Variants in CHRND observed in about 807,000 individuals in gnomAD.
CHRND encodes the protein acetylcholine receptor subunit delta.
Under a neutral mutation model 57.8 loss-of-function variants are expected in CHRND, and 40 were observed. The observed-to-expected ratio is 0.69, with a 90% confidence interval of 0.54 to 0.90. CHRND has a LOEUF of 0.90. CHRND is among the 40% of genes least tolerant of loss of function. The pLI is 0.00. For missense variants in CHRND, 634 were observed against 673.9 expected, an observed-to-expected ratio of 0.94 and a Z score of 0.66; for synonymous variants, 237 against 270.6, an observed-to-expected ratio of 0.88 and a Z score of 1.22.
intron 7 of CHRND, 130 bp from the exon 8 acceptor site, chr2:232,531,222 A>G (rs1439697409): frequency 1.2e-5 from 9 of 730,144 alleles, no homozygotes; most frequent in African/African-American, 8.7e-5. Context: ...CGTAATTTTC[A>G]TCAGGGTATG....
intron 1 of CHRND, 36 bp downstream of exon 1, chr2:232,526,303 CG>C: frequency 6.2e-7 from 1 of 1,602,878 alleles, no homozygotes. Context: ...TGGGGTCCCC[CG>C]TGATGCTTAC....
chr2:232,526,488 G>A, intron 1 of CHRND, 41 bp from the exon 2 acceptor site: 1 of 1,612,880 alleles, frequency 6.2e-7, no homozygotes, highest in African/African-American at 1.3e-5. Context: ...TGAGTCCCCT[G>A]CCCAGGGCCC....
intron 1 of CHRND, 67 bp downstream of exon 1, chr2:232,526,334 G>T: frequency 6.4e-7 from 1 of 1,559,286 alleles, no homozygotes. Context: ...ACACCGCATG[G>T]CTCCTCACTC....
intron 3 of CHRND, among the ~76,000 whole-genome samples, chr2:232,527,849 C>A (rs1559293974): frequency 6.6e-6 from 1 of 152,216 alleles, no homozygotes; most frequent in Non-Finnish European, 1.5e-5. Context: ...CACTGTTCTC[C>A]AGGAGGGGTT....
Position 232,529,934 on chromosome 2 carries a change from C to T in CHRND, c.620-5C>T. The T allele has an allele frequency of 6.2e-7, 1 of 1,613,862 alleles. No individual in the cohort carries two copies. Among genetic ancestry groups the T allele is most frequent in the Non-Finnish European group, 8.5e-7 (1 of 1,179,882 alleles). On this transcript the variant is annotated splice_region_variant and splice_polypyrimidine_tract_variant and intron_variant, in intron 6 of 11. Coordinates refer to ENST00000258385, the MANE Select transcript of CHRND (RefSeq NM_000751.3). ...GACCCTAAGATGTCCATGTGCCGCCCTCAGAGAACGGGGAGTGGGAGATAG... is the reference window on the plus strand; with the variant it reads ...GACCCTAAGATGTCCATGTGCCGCCTTCAGAGAACGGGGAGTGGGAGATAG...
chr2:232,535,089 T>C (rs747129748), intron 11 of CHRND, 41 bp from the exon 12 acceptor site: 3 of 1,610,570 alleles, frequency 1.9e-6, no homozygotes, highest in East Asian at 2.2e-5. Context: ...CTTTGTGGCC[T>C]GAGGCCCTTC....
chr2:232,532,399 T>C (rs1574635307), intron 9 of CHRND, among the ~76,000 whole-genome samples: 1 of 130,202 alleles, frequency 7.7e-6, no homozygotes, highest in South Asian at 2.4e-4. Flanking sequence ...ACTCGGGAGG[T>C]GGAGGTTGCA....
chr2:232,526,439 A>G (rs1028610535), intron 1 of CHRND, 90 bp from the exon 2 acceptor site: 1 of 1,597,096 alleles, frequency 6.3e-7, no homozygotes, highest in African/African-American at 1.3e-5. Context: ...GCTCATCCCA[A>G]CCTCATGGTC....
intron 9 of CHRND, 105 bp from the exon 10 acceptor site, chr2:232,533,826 G>T: frequency 8.4e-7 from 1 of 1,185,692 alleles, no homozygotes; most frequent in Non-Finnish European, 1.2e-6. Flanking sequence ...GCAGTGAGCC[G>T]AGATCGCGCC....
At chr2:232,529,903 T>C (rs199570924) in intron 6 of CHRND, 36 bp from the exon 7 acceptor site, 3 of 1,610,032 alleles carry the variant, frequency 1.9e-6, no homozygotes, top group Non-Finnish European at 1.7e-6. Flanking sequence ...CCCCTTGGCC[T>C]GGCCTGACCC....
chr2:232,527,634 C>T (rs1380903683), intron 3 of CHRND, among the ~76,000 whole-genome samples, 189 bp downstream of exon 3: 4 of 152,136 alleles, frequency 2.6e-5, no homozygotes, highest in African/African-American at 9.7e-5. Context: ...GTCCCAGCTA[C>T]TCGGGAAGCT....
chr2:232,536,476 C>G lies in CHRND; in HGVS notation c.*1164C>G. 2.2e-6 allele frequency: 1 copy of G among 453,908 alleles called. No homozygotes were observed. The highest frequency in any genetic ancestry group is 4.4e-6 in the Non-Finnish European group (1 of 226,600). 28.1% of individuals were successfully genotyped at this position (453,908 alleles called of 1,614,324 possible). A position where few individuals can be genotyped will look rare whatever the true frequency, so the allele number is the denominator to read the frequency against. ...GCAAGGAACTAAGGCCTCCTGCCAA[C>G]AGCCACGTGAGTGAATGTGGAAGTG... is the stretch of plus-strand genomic sequence containing the variant. On this transcript the variant is annotated 3_prime_UTR_variant, in exon 12 of 12. Transcript: ENST00000258385.
Position 232,531,482 on chromosome 2 carries a change from C to A in CHRND, c.932+19C>A. ...TCGGCAAGTGAGTGACGCTCAAGCC[C>A]GGCCTCACCCTGCTTGCCAGCCCAG... On this transcript the variant is annotated intron_variant, in intron 8 of 11. Transcript: ENST00000258385. The A allele has an allele frequency of 1.2e-6, 2 of 1,612,940 alleles. No homozygotes were observed. The highest frequency in any genetic ancestry group is 1.7e-6 in the Non-Finnish European group (2 of 1,178,958).
At position 232,536,245 on chromosome 2, in the gene CHRND, G is replaced by A. The variant is rs761422323; in HGVS notation, c.*933G>A. Reference sequence around the variant, plus strand: ...AGTGATGCCCAGTATTCACACCCTTGTGCAGTCCCCTCACTCTGTACCAGG... The same window carrying A: ...AGTGATGCCCAGTATTCACACCCTTATGCAGTCCCCTCACTCTGTACCAGG... On this transcript the variant is annotated 3_prime_UTR_variant, in exon 12 of 12. Coordinates refer to ENST00000258385, the MANE Select transcript of CHRND (RefSeq NM_000751.3). The A allele has an allele frequency of 4.2e-5, 19 of 454,014 alleles. No individual in the cohort carries two copies. Among genetic ancestry groups the A allele is most frequent in the Non-Finnish European group, 7.5e-5 (17 of 226,802 alleles). The allele number at this position is 454,014 out of a possible 1,614,324, so 28.1% of individuals were successfully genotyped here. A position where few individuals can be genotyped will look rare whatever the true frequency, so the allele number is the denominator to read the frequency against.
rs781437381 is a variant in CHRND at position 232,526,250 on chromosome 2, C to T, written c.35C>T (p.Ala12Val). ...CCAGTGCTGACACTGGGGCTGCTGG[C>T]TGCCCTGGCGGTGTGTGGTAAGGGA... Reference protein sequence around the residue: ...EGPVLTLGLLAALAVCGSWGL... With the variant: ...EGPVLTLGLLVALAVCGSWGL... Residue 12 changes from alanine (A) to valine (V), a missense_variant, in exon 1 of 12, where the codon GCT becomes GTT. By Grantham distance (64) the Ala-to-Val change is moderately conservative. Transcript: ENST00000258385. 2.5e-6 allele frequency: 4 copies of T among 1,613,022 alleles called. No individual in the cohort carries two copies. The East Asian group carries it at 8.9e-5, about 36-fold the overall frequency.
In CHRND at chr2:232,526,671, C is replaced by T. The variant is rs745787338; in HGVS notation, c.195C>T (p.Ser65=). The T allele has an allele frequency of 1.2e-6, 2 of 1,613,424 alleles. No homozygotes were observed. Among genetic ancestry groups the T allele is most frequent in the Non-Finnish European group, 1.7e-6 (2 of 1,179,892 alleles). ...CCCTCACACTCTCCAACCTCATCTCCCTGGTGAGAGGCCCTCCGGTGCTGG... is the reference window on the plus strand; with the variant it reads ...CCCTCACACTCTCCAACCTCATCTCTCTGGTGAGAGGCCCTCCGGTGCTGG... ...ALALTLSNLI[S]LKEVEETLTT... Residue 65 remains serine, a synonymous_variant, in exon 2 of 12, where the codon TCC becomes TCT. Coordinates refer to ENST00000258385, the MANE Select transcript of CHRND (RefSeq NM_000751.3).
In CHRND at chr2:232,528,350, C is replaced by T. The variant is rs773054021; in HGVS notation, c.332C>T (p.Pro111Leu). 9 of 1,613,986 alleles carry T rather than the reference C, an allele frequency of 5.6e-6. No homozygotes were observed. Among genetic ancestry groups the T allele is most frequent in the African/African-American group, 1.3e-5 (1 of 74,880 alleles). ...CTCCCCCCGGACATGGTGTGGCTCC[C>T]AGAGATTGTGCTGGAGAACAAGTTG... The part of the protein sequence containing the change: ...LRLPPDMVWL[P>L]EIVLENNNDG... Residue 111 changes from proline to leucine, a missense_variant, in exon 4 of 12, where the codon CCA becomes CTA. Coordinates refer to ENST00000258385, the MANE Select transcript of CHRND (RefSeq NM_000751.3).
rs1346830744 is a variant in CHRND at position 232,530,054 on chromosome 2, G to A, written c.735G>A (p.Lys245=). ...CCTTCTACCTCATCATCCGCCGCAA[G>A]CCCCTCTTCTACATCATCAACATCC... is the stretch of plus-strand genomic sequence containing the variant. ...DITFYLIIRR[K]PLFYIINILV... Residue 245 remains lysine (K), a synonymous_variant, in exon 7 of 12, where the codon AAG becomes AAA. Coordinates refer to ENST00000258385, the MANE Select transcript of CHRND (RefSeq NM_000751.3). 1.7e-5 allele frequency: 28 copies of A among 1,614,094 alleles called. No homozygotes were observed. Among genetic ancestry groups the A allele is most frequent in the Non-Finnish European group, 2.4e-5 (28 of 1,180,012 alleles).
chr2:232,531,793 T>C, intron 9 of CHRND, 137 bp downstream of exon 9: 1 of 721,252 alleles, frequency 1.4e-6, no homozygotes, highest in Non-Finnish European at 2.4e-6. Flanking sequence ...CTATAAACAA[T>C]CAAAAAAATT....
Sources: allele counts gnomAD v4.1 joint callset (sites outside exome capture counted in the v4.1 genomes callset), GRCh38; gene constraint gnomAD v4.1.1; transcripts MANE v1.5; gene names NCBI Gene and HGNC (gene_info 2026-07-23, HGNC 2026-07-21).